OPHN1: variants seen among roughly 807,000 people sequenced by gnomAD.
OPHN1 encodes oligophrenin 1, also known as oligophrenin-1.
Under a neutral mutation model 60.7 loss-of-function variants are expected in OPHN1, and 11 were observed. That is an observed-to-expected ratio of 0.18 (90% CI 0.11 to 0.30). OPHN1 has a LOEUF of 0.30. Among genes scored for constraint, OPHN1 ranks in the 10% least tolerant of loss-of-function variants. The probability of loss-of-function intolerance (pLI) is 1.00; values close to 1 mark genes in which losing one functional copy is unlikely to be tolerated. For missense variants in OPHN1, 449 were observed against 611.0 expected, an observed-to-expected ratio of 0.73 and a Z score of 2.80; for synonymous variants, 226 against 222.6, an observed-to-expected ratio of 1.02 and a Z score of -0.14.
At chrX:68,276,063 CAG>C (rs1157707607) in intron 4 of OPHN1, among the ~76,000 whole-genome samples, 3 of 111,667 alleles carry the variant, frequency 2.7e-5, no homozygotes, top group African/African-American at 9.8e-5. Context: ...TCCTTGAGAA[CAG>C]AGTCATTCTC....
chrX:68,118,568 A>G (rs1307520009), intron 16 of OPHN1, among the ~76,000 whole-genome samples: 1 of 112,134 alleles, frequency 8.9e-6, no homozygotes, highest in Non-Finnish European at 1.9e-5. Flanking sequence ...ATAAAGTATG[A>G]TACATACTAT....
intron 23 of OPHN1, among the ~76,000 whole-genome samples, chrX:68,051,280 A>C (rs2147346675): frequency 9.0e-6 from 1 of 111,709 alleles, no homozygotes; most frequent in African/African-American, 3.3e-5. Context: ...AGAGTCCCTG[A>C]AGGCTAACCA....
At chrX:68,271,127 C>G (rs2077966518) in intron 5 of OPHN1, among the ~76,000 whole-genome samples, 1 of 111,356 alleles carries the variant, frequency 9.0e-6, no homozygotes, top group South Asian at 3.8e-4. Flanking sequence ...AGATAGAAAA[C>G]CTTACAAATA....
intron 2 of OPHN1, among the ~76,000 whole-genome samples, chrX:68,341,992 C>T (rs1322625668): frequency 5.3e-5 from 4 of 75,351 alleles, no homozygotes; most frequent in Non-Finnish European, 7.1e-5. Context: ...TTTTTTGAGA[C>T]ACAGTCTCAC....
intron 13 of OPHN1, 32 bp from the exon 14 acceptor site, chrX:68,193,984 T>G: frequency 8.9e-7 from 1 of 1,120,670 alleles, no homozygotes; most frequent in Non-Finnish European, 1.2e-6. Context: ...AGTTAGATCC[T>G]GCTGCAACAG....
At chrX:68,170,864 A>G (rs1023184909) in intron 15 of OPHN1, among the ~76,000 whole-genome samples, 14 of 107,626 alleles carry the variant, frequency 1.3e-4, no homozygotes, top group Non-Finnish European at 2.7e-4. Flanking sequence ...GCACACCAGC[A>G]TGGCACATGT....
intron 2 of OPHN1, among the ~76,000 whole-genome samples, chrX:68,416,067 T>TAGAGAGAGAGAG (rs1171250178): frequency 7.2e-4 from 6 of 8,340 alleles, no homozygotes; most frequent in Non-Finnish European, 1.5e-3. Context: ...TATATATATA[T>TAGAGAGAGAGAG]AGAGAGAGAG....
At chrX:68,187,178 T>G (rs1354398146) in intron 15 of OPHN1, among the ~76,000 whole-genome samples, 1 of 111,761 alleles carries the variant, frequency 8.9e-6, no homozygotes, top group East Asian at 2.8e-4. Context: ...GAATAGTGTA[T>G]GTAGTAGGCA....
intron 15 of OPHN1, among the ~76,000 whole-genome samples, chrX:68,146,598 C>T (rs781342057): frequency 1.2e-4 from 14 of 112,454 alleles, no homozygotes; most frequent in South Asian, 3.7e-4. Context: ...CTCCACCTGA[C>T]GGTGATAAAA....
Position 68,293,106 on chromosome X carries a change from A to G in OPHN1, c.250+5895T>C, listed in dbSNP as rs1385806736. ...TCAACTCCTGGCTCTTTACTTAAAT[A>G]CAATCTTTTACATTAGTGCTTCTTT... On this transcript the variant is annotated intron_variant, in intron 3 of 24. Coordinates refer to ENST00000355520, the MANE Select transcript of OPHN1 (RefSeq NM_002547.3). Among the ~76,000 whole-genome samples the G allele has an allele frequency of 2.7e-5, 3 of 112,005 alleles. No homozygotes were observed. The Admixed American group carries it at 2.9e-4, about 11-fold the overall frequency.
intron 3 of OPHN1, among the ~76,000 whole-genome samples, chrX:68,297,414 G>C (rs1056967758): frequency 6.3e-5 from 7 of 111,416 alleles, no homozygotes; most frequent in Non-Finnish European, 1.9e-5. Context: ...AAATAGTCAT[G>C]CACTTGGACC....
At chrX:68,075,581 T>C (rs2076950375) in intron 19 of OPHN1, among the ~76,000 whole-genome samples, 1 of 110,802 alleles carries the variant, frequency 9.0e-6, no homozygotes, top group Non-Finnish European at 1.9e-5. Flanking sequence ...ACTACCTGAT[T>C]TCAAGTCTTA....
chrX:68,124,659 C>G (rs1347328054), intron 15 of OPHN1, among the ~76,000 whole-genome samples: 4 of 95,704 alleles, frequency 4.2e-5, no homozygotes, highest in Non-Finnish European at 8.6e-5. Flanking sequence ...GGTCACAAAA[C>G]AAGTCTTTTT....
chrX:68,297,327 G>T lies in OPHN1; in HGVS notation c.250+1674C>A, dbSNP rs374730944. On this transcript the variant is annotated intron_variant, in intron 3 of 24. Coordinates refer to ENST00000355520, the MANE Select transcript of OPHN1 (RefSeq NM_002547.3). ...TAGAGAGGTGAAGTTACTTGCCAAG[G>T]TTACAGAGCTATTAAGATGTAGAGG... 1.4e-4 allele frequency among the ~76,000 whole-genome samples: 16 copies of T among 111,711 alleles called. No homozygotes were observed. The East Asian group carries it at 4.5e-3, about 31-fold the overall frequency.
chrX:68,273,124 T>C (rs1303506911), intron 5 of OPHN1, among the ~76,000 whole-genome samples: 3 of 111,563 alleles, frequency 2.7e-5, no homozygotes, highest in African/African-American at 9.8e-5. Context: ...ATTTGGTACT[T>C]TCATGGCCAG....
rs758919673 is a variant in OPHN1 at position 68,115,899 on chromosome X, T to C, written c.1362-2660A>G. ...AGGTGGTCAGGGTACAGCTTGGTTT[T>C]ACATATTTTTAGGGAGGCATGAGAC... On this transcript the variant is annotated intron_variant, in intron 16 of 24. Transcript: ENST00000355520. Among the ~76,000 whole-genome samples, 24 of 112,141 alleles carry C rather than the reference T, an allele frequency of 2.1e-4. 1 individual carries two copies. The highest frequency in any genetic ancestry group is 6.8e-4 in the African/African-American group (21 of 30,876).
At chrX:68,091,759 C>G (rs376874808) in intron 19 of OPHN1, among the ~76,000 whole-genome samples, 2 of 110,923 alleles carry the variant, frequency 1.8e-5, no homozygotes, top group Non-Finnish European at 3.8e-5. Context: ...ACAAAATGTT[C>G]GGAAAACAGA....
intron 2 of OPHN1, among the ~76,000 whole-genome samples, chrX:68,313,980 T>C (rs1306030563): frequency 9.0e-6 from 1 of 111,155 alleles, no homozygotes; most frequent in South Asian, 3.9e-4. Context: ...ATACCTATTA[T>C]GTACCCACAA....
At chrX:68,313,056 A>T (rs1205125576) in intron 2 of OPHN1, among the ~76,000 whole-genome samples, 2 of 111,172 alleles carry the variant, frequency 1.8e-5, no homozygotes, top group Non-Finnish European at 3.8e-5. Context: ...GTGCGTGATG[A>T]TCCTACAACT....
Sources: gnomAD v4.1 joint callset for allele counts (sites outside exome capture counted in the v4.1 genomes callset) on GRCh38, gnomAD v4.1.1 for gene constraint, MANE v1.5 for transcripts, NCBI Gene and HGNC (gene_info 2026-07-23, HGNC 2026-07-21) for gene names.